Variants in SYTL5 observed in about 807,000 individuals in gnomAD.
The protein encoded by SYTL5 is synaptotagmin like 5, also known as synaptotagmin-like protein 5.
SYTL5 carries 34 observed loss-of-function variants against 55.9 expected under a neutral mutation model. That is an observed-to-expected ratio of 0.61 (90% CI 0.46 to 0.81). The LOEUF (loss-of-function observed/expected upper bound fraction) is 0.81. Among genes scored for constraint, SYTL5 ranks in the 30% least tolerant of loss-of-function variants. SYTL5 has a pLI of 0.00. For synonymous variants in SYTL5, 221 were observed against 188.7 expected (o/e 1.17, Z -1.40); for missense variants, 637 against 546.7 (o/e 1.17, Z -1.65).
At chrX:38,057,264 G>C (rs1412883249) in intron 3 of SYTL5, among the ~76,000 whole-genome samples, 1 of 111,388 alleles carries the variant, frequency 9.0e-6, no homozygotes, top group African/African-American at 3.3e-5. Flanking sequence ...GTATGATTCT[G>C]GCACCTTTGT....
At chrX:38,054,869 A>T (rs1274404694) in intron 3 of SYTL5, among the ~76,000 whole-genome samples, 1 of 110,447 alleles carries the variant, frequency 9.1e-6, no homozygotes, top group Admixed American at 9.7e-5. Context: ...AGCTGAGACT[A>T]CAGGCATGCA....
chrX:37,955,784 A>T, the SYTL5 span, among the ~76,000 whole-genome samples: 1 of 111,242 alleles, frequency 9.0e-6, no homozygotes, highest in Non-Finnish European at 1.9e-5. Flanking sequence ...TTTGGTAAGG[A>T]CTCCTTCACT....
chrX:38,049,360 T>A (rs1935562202), intron 2 of SYTL5, among the ~76,000 whole-genome samples: 1 of 111,886 alleles, frequency 8.9e-6, no homozygotes, highest in Non-Finnish European at 1.9e-5. Context: ...AGACACATTA[T>A]AATCATGACT....
At chrX:38,032,637 A>G (rs5963377) in intron 1 of SYTL5, among the ~76,000 whole-genome samples, 32,828 of 110,573 alleles carry the variant, frequency 0.3, 6,958 homozygotes, top group African/African-American at 0.75. Context: ...GAATGTAGGC[A>G]TTTCTAAATT....
At chrX:38,037,919 A>C (rs1935159739) in intron 2 of SYTL5, among the ~76,000 whole-genome samples, 1 of 111,239 alleles carries the variant, frequency 9.0e-6, no homozygotes, top group Non-Finnish European at 1.9e-5. Context: ...GTATAATTTG[A>C]ATCTGAGTCC....
At chrX:38,117,765 C>T (rs1291913041) in intron 13 of SYTL5, among the ~76,000 whole-genome samples, 2 of 111,816 alleles carry the variant, frequency 1.8e-5, no homozygotes, top group Non-Finnish European at 3.8e-5. Context: ...GGCCTGCCAG[C>T]TGGAGCACCT....
At chrX:38,037,788 T>TA in intron 2 of SYTL5, among the ~76,000 whole-genome samples, 1 of 82,448 alleles carries the variant, frequency 1.2e-5, no homozygotes, top group East Asian at 3.4e-4. Flanking sequence ...AACATTTTTC[T>TA]GATAGATAGA....
At chrX:38,047,409 A>C (rs1935497164) in intron 2 of SYTL5, among the ~76,000 whole-genome samples, 1 of 112,852 alleles carries the variant, frequency 8.9e-6, no homozygotes, top group Non-Finnish European at 1.9e-5. Flanking sequence ...TGGGGCTTGC[A>C]CCCTCTGAAG....
rs140623099 is a variant in SYTL5, at chrX:38,052,199, A to G, written c.120-2014A>G. 9.2e-3 allele frequency among the ~76,000 whole-genome samples: 1,033 copies of G among 111,801 alleles called. 15 individuals are homozygous for G. The highest frequency in any genetic ancestry group is 0.032 in the African/African-American group (987 of 30,711). Reference sequence around the variant, plus strand: ...TAAGAAATGAAGCCAAGTCAAGGGTATATCCATTTCCTGTGGCTGCTGTAA... The same window carrying G: ...TAAGAAATGAAGCCAAGTCAAGGGTGTATCCATTTCCTGTGGCTGCTGTAA... On this transcript the variant is annotated intron_variant, in intron 2 of 16. Transcript: ENST00000297875.
chrX:38,066,258 A>G (rs1466910066), intron 3 of SYTL5, among the ~76,000 whole-genome samples: 1 of 111,916 alleles, frequency 8.9e-6, no homozygotes, highest in Non-Finnish European at 1.9e-5. Context: ...AGCAAAATGA[A>G]TCTTTTGGTC....
the SYTL5 span, among the ~76,000 whole-genome samples, chrX:37,984,706 A>G: frequency 9.0e-6 from 1 of 111,290 alleles, no homozygotes; most frequent in Non-Finnish European, 1.9e-5. Context: ...CAGACCATAT[A>G]TCTTAAGAAT....
chrX:38,003,426 C>T (rs1933909049), upstream of SYTL5, among the ~76,000 whole-genome samples: 1 of 111,374 alleles, frequency 9.0e-6, no homozygotes, highest in Non-Finnish European at 1.9e-5. Flanking sequence ...TTTTTATACA[C>T]CAATAACAGA....
intron 2 of SYTL5, among the ~76,000 whole-genome samples, chrX:38,050,470 C>A (rs1407459857): frequency 2.7e-5 from 3 of 111,592 alleles, no homozygotes; most frequent in Non-Finnish European, 5.6e-5. Context: ...TCAGTCTTTA[C>A]AATTTCAACT....
At chrX:38,043,831 A>G in intron 2 of SYTL5, among the ~76,000 whole-genome samples, 1 of 107,213 alleles carries the variant, frequency 9.3e-6, no homozygotes. Flanking sequence ...TTATTTGTAA[A>G]CATTTTTATT....
chrX:38,118,865 C>CA (rs1351701544), intron 13 of SYTL5, among the ~76,000 whole-genome samples: 1 of 106,280 alleles, frequency 9.4e-6, no homozygotes, highest in African/African-American at 3.5e-5. Flanking sequence ...AGCTATCCTC[C>CA]CACCTCAGCC....
At chrX:37,933,447 G>A in the SYTL5 span, among the ~76,000 whole-genome samples, 1 of 111,768 alleles carries the variant, frequency 8.9e-6, no homozygotes, top group African/African-American at 3.3e-5. Context: ...GTAGAACAGA[G>A]TTGAAGCACT....
chrX:38,069,119 C>T (rs939870333), intron 3 of SYTL5, among the ~76,000 whole-genome samples: 2 of 111,324 alleles, frequency 1.8e-5, no homozygotes, highest in African/African-American at 6.5e-5. Context: ...CTACCTTTTC[C>T]CTTTTGTTTC....
At chrX:37,944,634 A>C in the SYTL5 span, among the ~76,000 whole-genome samples, 1 of 111,821 alleles carries the variant, frequency 8.9e-6, no homozygotes, top group African/African-American at 3.3e-5. Context: ...ACTGAAAGTA[A>C]GTTAACACCT....
At chrX:37,913,962 A>C in the SYTL5 span, among the ~76,000 whole-genome samples, 1 of 112,233 alleles carries the variant, frequency 8.9e-6, no homozygotes, top group African/African-American at 3.2e-5. Flanking sequence ...ACCTTGAAGT[A>C]AGCTATGCTG....
Sources: gnomAD v4.1 joint callset for allele counts (sites outside exome capture counted in the v4.1 genomes callset) on GRCh38, gnomAD v4.1.1 for gene constraint, MANE v1.5 for transcripts, NCBI Gene and HGNC (gene_info 2026-07-23, HGNC 2026-07-21) for gene names.